KCNIP4: variants seen among roughly 807,000 people sequenced by gnomAD.
KCNIP4 encodes the protein Kv channel-interacting protein 4.
A neutral mutation model predicts 34.0 loss-of-function variants in KCNIP4; 12 were observed. The observed-to-expected ratio is 0.35, with a 90% CI of 0.23 to 0.57. The LOEUF (loss-of-function observed/expected upper bound fraction) is 0.57. KCNIP4 is among the 20% of genes least tolerant of loss of function. The pLI is 0.83. For missense variants in KCNIP4, 238 were observed against 311.7 expected (o/e 0.76, Z 1.78); for synonymous variants, 124 against 102.2 (o/e 1.21, Z -1.29).
intron 3 of KCNIP4, among the ~76,000 whole-genome samples, chr4:20,833,850 T>C (rs1718726288): frequency 6.6e-6 from 1 of 152,194 alleles, no homozygotes; most frequent in Non-Finnish European, 1.5e-5. Flanking sequence ...GTAGTGTTTA[T>C]TTTATAAATA....
chr4:21,502,836 A>C (rs79722002), intron 1 of KCNIP4, among the ~76,000 whole-genome samples: 1,934 of 152,306 alleles, frequency 0.013, 77 homozygotes, highest in East Asian at 0.12. Flanking sequence ...CTAAGGGGTT[A>C]TTAGGGTCTC....
At chr4:21,934,956 T>C (rs1360018659) in intron 1 of KCNIP4, among the ~76,000 whole-genome samples, 1 of 152,166 alleles carries the variant, frequency 6.6e-6, no homozygotes, top group East Asian at 1.9e-4. Flanking sequence ...CTTTTGACCC[T>C]ATGTGCATGC....
At chr4:21,670,703 T>A (rs1749416553) in intron 1 of KCNIP4, among the ~76,000 whole-genome samples, 1 of 152,286 alleles carries the variant, frequency 6.6e-6, no homozygotes, top group Admixed American at 6.5e-5. Context: ...TCGCCCAGGC[T>A]GGAGTGCAGT....
intron 6 of KCNIP4, among the ~76,000 whole-genome samples, chr4:20,733,885 T>C (rs560649223): frequency 6.6e-6 from 1 of 152,278 alleles, no homozygotes; most frequent in South Asian, 2.1e-4. Context: ...CTGGCACACT[T>C]GCACCTGTGT....
chr4:21,694,269 G>C (rs761262830), intron 1 of KCNIP4, among the ~76,000 whole-genome samples: 32 of 152,032 alleles, frequency 2.1e-4, no homozygotes, highest in Non-Finnish European at 3.7e-4. Flanking sequence ...AGAATATATT[G>C]GGTAGCATGA....
chr4:21,557,937 A>G (rs1029917286), intron 1 of KCNIP4, among the ~76,000 whole-genome samples: 2 of 152,156 alleles, frequency 1.3e-5, no homozygotes, highest in African/African-American at 4.8e-5. Context: ...CATGGGATAT[A>G]CGAATGAAGG....
chr4:20,841,581 C>G (rs973523033), intron 3 of KCNIP4, among the ~76,000 whole-genome samples: 1 of 152,018 alleles, frequency 6.6e-6, no homozygotes, highest in African/African-American at 2.4e-5. Context: ...CAACCTCCAC[C>G]ACATATCCAA....
chr4:21,915,416 TAAC>T (rs946866681), intron 1 of KCNIP4, among the ~76,000 whole-genome samples: 2 of 152,212 alleles, frequency 1.3e-5, no homozygotes, highest in Non-Finnish European at 2.9e-5. Context: ...CCAATCTTTT[TAAC>T]AACTCCAGTA....
At chr4:21,622,647 TA>T (rs1371308037) in intron 1 of KCNIP4, among the ~76,000 whole-genome samples, 1 of 152,198 alleles carries the variant, frequency 6.6e-6, no homozygotes, top group African/African-American at 2.4e-5. Flanking sequence ...TTTTAATAGT[TA>T]AAATTTAATT....
At chr4:20,839,757 C>A (rs1286023648) in intron 3 of KCNIP4, among the ~76,000 whole-genome samples, 1 of 152,086 alleles carries the variant, frequency 6.6e-6, no homozygotes, top group Admixed American at 6.6e-5. Flanking sequence ...ATTGTCTTTG[C>A]AAAGCATCTA....
intron 1 of KCNIP4, among the ~76,000 whole-genome samples, chr4:21,153,448 C>CCT (rs965244473): frequency 1.1e-4 from 15 of 132,880 alleles, no homozygotes; most frequent in South Asian, 2.5e-4. Flanking sequence ...TCTCTCTGTC[C>CCT]CTCTCTCTCT....
At chr4:21,798,603 G>A (rs1720794961) in intron 1 of KCNIP4, among the ~76,000 whole-genome samples, 1 of 139,564 alleles carries the variant, frequency 7.2e-6, no homozygotes, top group Non-Finnish European at 1.6e-5. Flanking sequence ...AATGCAAAGA[G>A]CCACTCTTTT....
At chr4:21,363,807 G>C (rs946318320) in intron 1 of KCNIP4, among the ~76,000 whole-genome samples, 1 of 152,106 alleles carries the variant, frequency 6.6e-6, no homozygotes, top group African/African-American at 2.4e-5. Context: ...ATACTTAGGA[G>C]TTCTCTCCAT....
chr4:21,075,565 C>A (rs1278585091), intron 1 of KCNIP4, among the ~76,000 whole-genome samples: 1 of 152,094 alleles, frequency 6.6e-6, no homozygotes, highest in Non-Finnish European at 1.5e-5. Flanking sequence ...CTGAATATAG[C>A]ACACTGATGA....
chr4:21,400,465 T>TTCCTCTCCTCTCCTCTCCTCTCCTC lies in KCNIP4; in HGVS notation c.62-517781_62-517757dup, dbSNP rs71189700. 1.0e-3 allele frequency among the ~76,000 whole-genome samples: 118 copies of TTCCTCTCCTCTCCTCTCCTCTCCTC among 118,032 alleles called. 4 individuals carry two copies. The highest frequency in any genetic ancestry group is 4.1e-3 in the African/African-American group (115 of 27,824). 77.4% of individuals were successfully genotyped at this position (118,032 alleles called of 152,430 possible). On this transcript the variant is annotated intron_variant, in intron 1 of 8. Transcript: ENST00000382152. ...TTGCCATTTCCTATTTTTCTTTCTG[T>TTCCTCTCCTCTCCTCTCCTCTCCTC]TCCTCTCCTCTCCTCTCCTCTCCTC...
intron 1 of KCNIP4, among the ~76,000 whole-genome samples, chr4:20,977,333 C>T (rs1276164967): frequency 6.6e-6 from 1 of 152,144 alleles, no homozygotes; most frequent in African/African-American, 2.4e-5. Context: ...TAAACCTTCT[C>T]CAAAGGCACC....
At chr4:21,667,206 T>C (rs763632996) in intron 1 of KCNIP4, among the ~76,000 whole-genome samples, 5 of 152,346 alleles carry the variant, frequency 3.3e-5, no homozygotes, top group South Asian at 2.1e-4. Flanking sequence ...CTCATAATTC[T>C]ATAGACCTTA....
At chr4:21,811,550 G>A (rs182190092) in intron 1 of KCNIP4, among the ~76,000 whole-genome samples, 9 of 152,278 alleles carry the variant, frequency 5.9e-5, no homozygotes, top group East Asian at 1.9e-4. Context: ...GGTAGGATTC[G>A]CTGAGCCTTC....
At chr4:21,861,630 C>T (rs1266181363) in intron 1 of KCNIP4, among the ~76,000 whole-genome samples, 2 of 137,884 alleles carry the variant, frequency 1.5e-5, no homozygotes, top group African/African-American at 5.8e-5. Flanking sequence ...GCACTCCAGC[C>T]TGGGCGACAG....
Sources: allele counts gnomAD v4.1 joint callset (sites outside exome capture counted in the v4.1 genomes callset), GRCh38; gene constraint gnomAD v4.1.1; transcripts MANE v1.5; gene names NCBI Gene and HGNC (gene_info 2026-07-23, HGNC 2026-07-21).